The following ADK variants were observed in gnomAD, a reference collection of about 807,000 sequenced individuals.
ADK encodes the protein N6,N6-dimethyladenosine kinase.
In ADK, 24 loss-of-function variants were observed where a neutral mutation model predicts 44.7. The observed-to-expected ratio is 0.54, with a 90% CI of 0.39 to 0.76. The LOEUF is 0.76. ADK is among the 30% of genes least tolerant of loss of function. The pLI, the probability that ADK is intolerant of heterozygous loss-of-function variation, is 0.00. For missense variants in ADK, 321 were observed against 425.1 expected (o/e 0.76, Z 2.15); for synonymous variants, 128 against 142.6 (o/e 0.90, Z 0.73).
At chr10:74,393,741 C>CA (rs1343713394) in intron 4 of ADK, among the ~76,000 whole-genome samples, 12 of 152,304 alleles carry the variant, frequency 7.9e-5, no homozygotes, top group Admixed American at 2.0e-4. Flanking sequence ...TGCTCTAACT[C>CA]ATGCAGCTAG....
chr10:74,244,085 T>G (rs1845324701), intron 3 of ADK, among the ~76,000 whole-genome samples: 1 of 152,180 alleles, frequency 6.6e-6, no homozygotes, highest in African/African-American at 2.4e-5. Flanking sequence ...ATGTTTAACT[T>G]CTCAATAATT....
rs375054993 is a variant in ADK at position 74,542,912 on chromosome 10, T to A, written c.726+17486T>A. On this transcript the variant is annotated intron_variant, in intron 7 of 10. Transcript: ENST00000539909. The stretch of plus-strand genomic sequence containing the variant: ...TATTTATTTATTTATTTATTTATTT[T>A]TTTAATGAGATGGAGTCTCGCTCTG... Among the ~76,000 whole-genome samples the A allele has an allele frequency of 5.4e-4, 82 of 151,640 alleles. 1 individual carries two copies. The highest frequency in any genetic ancestry group is 2.9e-3 in the East Asian group (15 of 5,178).
At chr10:74,465,788 G>A (rs1388869703) in intron 6 of ADK, among the ~76,000 whole-genome samples, 3 of 152,102 alleles carry the variant, frequency 2.0e-5, no homozygotes, top group South Asian at 2.1e-4. Flanking sequence ...GTCTAGTTTT[G>A]TATAAATTAT....
intron 2 of ADK, among the ~76,000 whole-genome samples, chr10:74,209,617 A>AT (rs554643435): frequency 1.4e-3 from 210 of 145,304 alleles, no homozygotes; most frequent in South Asian, 6.3e-3. Context: ...TCTGATTCTG[A>AT]TTTTTTTTTT....
chr10:74,622,799 G>T (rs572655897), intron 9 of ADK, among the ~76,000 whole-genome samples: 1 of 152,164 alleles, frequency 6.6e-6, no homozygotes, highest in African/African-American at 2.4e-5. Flanking sequence ...CCTAAGGTCG[G>T]GAATTCAAGA....
chr10:74,384,922 G>A (rs1843092346), intron 4 of ADK, among the ~76,000 whole-genome samples: 1 of 152,140 alleles, frequency 6.6e-6, no homozygotes, highest in Non-Finnish European at 1.5e-5. Flanking sequence ...ACGATTGAAG[G>A]ACATTTTAGG....
At chr10:74,205,547 G>A (rs1378700588) in intron 2 of ADK, among the ~76,000 whole-genome samples, 1 of 151,900 alleles carries the variant, frequency 6.6e-6, no homozygotes, top group African/African-American at 2.4e-5. Context: ...ATGGTGGTGT[G>A]TGCCTGTAAT....
chr10:74,431,185 A>T (rs572970908), intron 6 of ADK, among the ~76,000 whole-genome samples: 27 of 152,136 alleles, frequency 1.8e-4, no homozygotes, highest in African/African-American at 6.5e-4. Context: ...AGAAGAGCTC[A>T]CAAAAATTTT....
intron 6 of ADK, among the ~76,000 whole-genome samples, chr10:74,439,170 A>G (rs1037228371): frequency 2.6e-5 from 4 of 152,248 alleles, no homozygotes; most frequent in African/African-American, 9.6e-5. Context: ...GAACAGATTT[A>G]TAGCAACTGT....
chr10:74,382,983 A>C (rs538534482), intron 4 of ADK, among the ~76,000 whole-genome samples: 1 of 151,968 alleles, frequency 6.6e-6, no homozygotes, highest in African/African-American at 2.4e-5. Context: ...ATACCCTGCA[A>C]TGATAGGGGC....
At chr10:74,671,539 C>T (rs1250303828) in intron 10 of ADK, among the ~76,000 whole-genome samples, 4 of 152,112 alleles carry the variant, frequency 2.6e-5, no homozygotes, top group South Asian at 2.1e-4. Context: ...TTTCCTTGCT[C>T]GGAAAGTCTT....
chr10:74,554,610 T>G (rs150747217), intron 7 of ADK, among the ~76,000 whole-genome samples: 19 of 152,200 alleles, frequency 1.2e-4, no homozygotes, highest in Non-Finnish European at 2.5e-4. Context: ...TAGCTGCAAT[T>G]CTATTGTTGG....
At position 74,642,402 on chromosome 10, in the gene ADK, A is replaced by G. The variant is rs1053089906; in HGVS notation, c.878-27781A>G. Reference sequence around the variant, plus strand: ...TTAATTTAAAAAGAGACAGGGTCTCACTATGTTGCCCAGGCTGGTTTCAAA... The same window carrying G: ...TTAATTTAAAAAGAGACAGGGTCTCGCTATGTTGCCCAGGCTGGTTTCAAA... On this transcript the variant is annotated intron_variant, in intron 9 of 10. Coordinates refer to ENST00000539909, the MANE Select transcript of ADK (RefSeq NM_006721.4). Among the ~76,000 whole-genome samples, 13 of 144,560 alleles carry G rather than the reference A, an allele frequency of 9.0e-5. No homozygotes were observed. The Admixed American group carries it at 9.3e-4, about 10-fold the overall frequency. The allele number at this position is 144,560 out of a possible 152,430, so 94.8% of individuals were successfully genotyped here.
At chr10:74,639,965 TA>T (rs34577685) in intron 9 of ADK, among the ~76,000 whole-genome samples, 3 of 152,182 alleles carry the variant, frequency 2.0e-5, no homozygotes, top group Non-Finnish European at 4.4e-5. Context: ...TTTCATACTT[TA>T]AAAAACATAT....
chr10:74,249,970 A>C (rs1201257995), intron 3 of ADK, among the ~76,000 whole-genome samples: 1 of 152,190 alleles, frequency 6.6e-6, no homozygotes, highest in East Asian at 1.9e-4. Flanking sequence ...TTGAGCTTTA[A>C]ATTTCCTATT....
In ADK at chr10:74,524,998, T is replaced by TGAAAGAAATGC. The variant is rs1407235845; in HGVS notation, c.556-258_556-257insGAAAGAAATGC. 2.6e-5 allele frequency among the ~76,000 whole-genome samples: 4 copies of TGAAAGAAATGC among 152,342 alleles called. No homozygotes were observed. In the East Asian group the frequency reaches 7.7e-4, roughly 29 times the overall value. The stretch of plus-strand genomic sequence containing the variant: ...TTCAAACATTTTTTCTTTCATGAAT[T>TGAAAGAAATGC]TCCAGAATTCTTTAGTATTGAGCAT... On this transcript the variant is annotated intron_variant, in intron 6 of 10. Coordinates refer to ENST00000539909, the MANE Select transcript of ADK (RefSeq NM_006721.4).
chr10:74,697,221 A>C (rs1211254770), intron 10 of ADK, among the ~76,000 whole-genome samples: 3 of 152,178 alleles, frequency 2.0e-5, no homozygotes, highest in Admixed American at 2.0e-4. Context: ...TCAGCGTAAT[A>C]TATACTTGTA....
intron 10 of ADK, 48 bp downstream of exon 10, chr10:74,670,317 C>A: frequency 7.0e-7 from 1 of 1,436,812 alleles, no homozygotes; most frequent in East Asian, 2.3e-5. Flanking sequence ...AACATTTTAA[C>A]CCTTGTTTCT....
At chr10:74,366,213 T>A (rs753175707) in intron 4 of ADK, among the ~76,000 whole-genome samples, 7 of 152,186 alleles carry the variant, frequency 4.6e-5, no homozygotes, top group Non-Finnish European at 1.0e-4. Flanking sequence ...ATTATCAGCA[T>A]CTCTAGATCC....
Sources: gnomAD v4.1 joint callset for allele counts (sites outside exome capture counted in the v4.1 genomes callset) on GRCh38, gnomAD v4.1.1 for gene constraint, MANE v1.5 for transcripts, NCBI Gene and HGNC (gene_info 2026-07-23, HGNC 2026-07-21) for gene names.